Variants in PLEKHA7 observed in about 807,000 individuals in gnomAD.
PLEKHA7 encodes the protein pleckstrin homology domain containing A7.
A neutral mutation model predicts 170.0 loss-of-function variants in PLEKHA7; 104 were observed. That is an observed-to-expected ratio of 0.61 (90% CI 0.52 to 0.72). The LOEUF (loss-of-function observed/expected upper bound fraction) is 0.72, where lower values mean the gene tolerates loss of function less well. Ranked by LOEUF, PLEKHA7 falls within the 30% of genes least tolerant of loss-of-function variation. The probability of loss-of-function intolerance (pLI) is 0.00; values close to 1 mark genes in which losing one functional copy is unlikely to be tolerated. For missense variants in PLEKHA7, 1,615 were observed against 1,671.7 expected, an observed-to-expected ratio of 0.97 and a Z score of 0.59; for synonymous variants, 648 against 660.8, an observed-to-expected ratio of 0.98 and a Z score of 0.30.
chr11:16,907,374 C>T (rs1405918002), intron 3 of PLEKHA7, among the ~76,000 whole-genome samples: 8 of 137,386 alleles, frequency 5.8e-5, no homozygotes, highest in Non-Finnish European at 1.1e-4. Context: ...CCGCCCCATC[C>T]GGGAGGGAGG....
rs916026309 is a variant in PLEKHA7, at chr11:16,987,140, G to A, written c.221+26849C>T. On this transcript the variant is annotated intron_variant, in intron 3 of 26. Coordinates refer to ENST00000531066, the MANE Select transcript of PLEKHA7 (RefSeq NM_001329630.2). Reference sequence around the variant, plus strand: ...CCCATGGCCCTAATCTGCTGAGAAAGAATGTGTGGGCTGTAATCTTTTCAG... The same window carrying A: ...CCCATGGCCCTAATCTGCTGAGAAAAAATGTGTGGGCTGTAATCTTTTCAG... 2.0e-5 allele frequency among the ~76,000 whole-genome samples: 3 copies of A among 152,196 alleles called. No homozygotes were observed. In the South Asian group the frequency reaches 6.2e-4, roughly 32 times the overall value.
intron 3 of PLEKHA7, among the ~76,000 whole-genome samples, chr11:16,900,940 G>A (rs1178203827): frequency 3.3e-5 from 5 of 151,656 alleles, no homozygotes; most frequent in African/African-American, 4.8e-5. Flanking sequence ...CCACCTCCCA[G>A]GTTCAAATGA....
In PLEKHA7 at chr11:16,826,377, C is replaced by G; in HGVS notation, c.1086G>C (p.Arg362Ser). The G allele has an allele frequency of 1.2e-6, 2 of 1,614,258 alleles. No individual in the cohort carries two copies. Among genetic ancestry groups the G allele is most frequent in the Non-Finnish European group, 8.5e-7 (1 of 1,180,054 alleles). ...CCTCCTCGGCTGGCGAGTACGGAGA[C>G]CTGGCCTTGCTCCGGTCCCGCTTGC... ...LEGKRDRSKA[R>S]SPYSPAEEDA... Residue 362 changes from arginine (R) to serine (S), a missense_variant, in exon 10 of 27, where the codon AGG becomes AGC. Physicochemically the swap from Arg to Ser is moderately radical, Grantham distance 110. Transcript: ENST00000531066.
chr11:16,788,401 C>T (rs1361736833), intron 23 of PLEKHA7: 1 of 152,706 alleles, frequency 6.5e-6, no homozygotes, highest in Non-Finnish European at 1.5e-5. Flanking sequence ...TGAGCGGTAA[C>T]ACTAAAAGCA....
In PLEKHA7 at chr11:16,801,082, G is replaced by A. The variant is rs770725352; in HGVS notation, c.2308-7C>T. 6.2e-7 allele frequency: 1 copy of A among 1,612,566 alleles called. No homozygotes were observed. The highest frequency in any genetic ancestry group is 8.5e-7 in the Non-Finnish European group (1 of 1,178,596). ...TCCAAGCATTTTCCATCTCCTGTTG[G>A]CCAAGACAATGCTTCCGGTTCTTAG... is the stretch of plus-strand genomic sequence containing the variant. On this transcript the variant is annotated splice_region_variant and splice_polypyrimidine_tract_variant and intron_variant, in intron 16 of 26. Coordinates refer to ENST00000531066, the MANE Select transcript of PLEKHA7 (RefSeq NM_001329630.2).
chr11:17,011,487 T>C (rs1590850176), intron 3 of PLEKHA7, among the ~76,000 whole-genome samples: 1 of 152,284 alleles, frequency 6.6e-6, no homozygotes, highest in East Asian at 1.9e-4. Context: ...ACCTGGAAGA[T>C]TTGCCTAACT....
At chr11:16,920,930 A>G (rs1276288590) in intron 3 of PLEKHA7, among the ~76,000 whole-genome samples, 2 of 152,238 alleles carry the variant, frequency 1.3e-5, no homozygotes, top group Non-Finnish European at 1.5e-5. Flanking sequence ...TTGTTCATGT[A>G]ATAAAAAGAG....
Position 16,803,001 on chromosome 11 carries a change from C to T in PLEKHA7, c.2128G>A (p.Asp710Asn). 6.2e-7 allele frequency: 1 copy of T among 1,613,812 alleles called. No individual in the cohort carries two copies. The highest frequency in any genetic ancestry group is 8.5e-7 in the Non-Finnish European group (1 of 1,179,920). The change falls in exon 15 of 27, where the codon GAC becomes AAC. Residue 710 changes from aspartate (D) to asparagine (N), a missense_variant. Physicochemically the swap from Asp to Asn is conservative, Grantham distance 23 (BLOSUM62 1). Coordinates refer to ENST00000531066, the MANE Select transcript of PLEKHA7 (RefSeq NM_001329630.2). ...EQDRVLQDLE[D>N]KIRALKENKD... ...TTCTCTTTAAGGGCTCGTATCTTGT[C>T]TTCCAAGTCCTGGAGGACCCTGTCT...
chr11:16,868,278 C>T (rs1169065868), intron 4 of PLEKHA7, among the ~76,000 whole-genome samples: 2 of 152,278 alleles, frequency 1.3e-5, no homozygotes, highest in African/African-American at 2.4e-5. Flanking sequence ...ATACGACTGA[C>T]GCAGGAATTA....
At chr11:16,903,580 T>C (rs1351220056) in intron 3 of PLEKHA7, among the ~76,000 whole-genome samples, 1 of 152,180 alleles carries the variant, frequency 6.6e-6, no homozygotes, top group Non-Finnish European at 1.5e-5. Context: ...TTTCCTGTAT[T>C]TCTTAAAGTC....
intron 3 of PLEKHA7, among the ~76,000 whole-genome samples, chr11:16,943,454 G>A (rs1042880680): frequency 2.0e-4 from 31 of 152,082 alleles, no homozygotes; most frequent in African/African-American, 5.8e-4. Context: ...CCCGATACAG[G>A]AAAGTACACA....
intron 3 of PLEKHA7, among the ~76,000 whole-genome samples, chr11:16,925,671 G>A (rs1457967452): frequency 6.6e-6 from 1 of 152,176 alleles, no homozygotes; most frequent in Non-Finnish European, 1.5e-5. Flanking sequence ...GAGCGCGCCG[G>A]GGCCTCAGCT....
At chr11:16,952,401 GT>G (rs557899947) in intron 3 of PLEKHA7, among the ~76,000 whole-genome samples, 1 of 152,098 alleles carries the variant, frequency 6.6e-6, no homozygotes, top group Non-Finnish European at 1.5e-5. Context: ...AAAACATAGA[GT>G]GCTTGGGGCC....
rs556732498 is a variant in PLEKHA7 at position 16,887,091 on chromosome 11, T to A, written c.222-15909A>T. On this transcript the variant is annotated intron_variant, in intron 3 of 26. Transcript: ENST00000531066. ...CACAAATCAGAAAAACAATTCAGGA[T>A]ATGAAAGAAGAGCAATATTATTTTT... Among the ~76,000 whole-genome samples the A allele has an allele frequency of 5.3e-5, 8 of 152,214 alleles. No individual in the cohort carries two copies. The South Asian group carries it at 1.7e-3, about 32-fold the overall frequency.
At chr11:16,946,081 T>A (rs1861010721) in intron 3 of PLEKHA7, among the ~76,000 whole-genome samples, 1 of 152,190 alleles carries the variant, frequency 6.6e-6, no homozygotes, top group Non-Finnish European at 1.5e-5. Context: ...CCACTCACTT[T>A]CCCAACCTCT....
chr11:16,807,048 G>A, intron 13 of PLEKHA7: 1 of 487,844 alleles, frequency 2.0e-6, no homozygotes, highest in South Asian at 8.8e-5. Context: ...GCCTGGGGCG[G>A]TCAGGAGAGC....
intron 3 of PLEKHA7, among the ~76,000 whole-genome samples, chr11:16,941,083 G>A (rs1860665327): frequency 1.3e-5 from 2 of 152,210 alleles, no homozygotes; most frequent in African/African-American, 4.8e-5. Context: ...AAAAGTAGTA[G>A]AAGCGATGTC....
At chr11:16,911,852 T>G (rs1283853062) in intron 3 of PLEKHA7, among the ~76,000 whole-genome samples, 1 of 152,152 alleles carries the variant, frequency 6.6e-6, no homozygotes, top group Non-Finnish European at 1.5e-5. Context: ...ATCCTGCTTC[T>G]TCCTTTTTAT....
chr11:16,946,820 G>GA (rs564401300), intron 3 of PLEKHA7, among the ~76,000 whole-genome samples: 1 of 152,094 alleles, frequency 6.6e-6, no homozygotes, highest in African/African-American at 2.4e-5. Context: ...CAACCTAGGG[G>GA]AAACACTCCC....
Sources: gnomAD v4.1 joint callset for allele counts (sites outside exome capture counted in the v4.1 genomes callset) on GRCh38, gnomAD v4.1.1 for gene constraint, MANE v1.5 for transcripts, NCBI Gene and HGNC (gene_info 2026-07-23, HGNC 2026-07-21) for gene names.